Variants in SHQ1 observed in about 807,000 individuals in gnomAD.
SHQ1 encodes the protein protein SHQ1 homolog.
Under a neutral mutation model 53.8 loss-of-function variants are expected in SHQ1, and 49 were observed. The ratio of observed to expected loss-of-function variants is 0.91; its 90% CI spans 0.72 to 1.16. The LOEUF is 1.16. Among genes scored for constraint, SHQ1 ranks in the 50% most tolerant of loss-of-function variants. The probability of loss-of-function intolerance (pLI) is 0.00; values close to 1 mark genes in which losing one functional copy is unlikely to be tolerated. For synonymous variants in SHQ1, 243 were observed against 251.0 expected (o/e 0.97, Z 0.30); for missense variants, 738 against 683.1 (o/e 1.08, Z -0.90).
chr3:72,797,564 T>C (rs1368006586), intron 9 of SHQ1, among the ~76,000 whole-genome samples: 2 of 152,230 alleles, frequency 1.3e-5, no homozygotes, highest in East Asian at 3.8e-4. Context: ...ATTATATTTT[T>C]AAACAACTGA....
At chr3:72,821,619 C>G (rs1334487077) in intron 6 of SHQ1, among the ~76,000 whole-genome samples, 1 of 152,136 alleles carries the variant, frequency 6.6e-6, no homozygotes, top group African/African-American at 2.4e-5. Flanking sequence ...AAAGGTACAC[C>G]CCTCACCTGC....
chr3:72,840,966 C>A, intron 4 of SHQ1, 79 bp downstream of exon 4: 1 of 1,468,240 alleles, frequency 6.8e-7, no homozygotes, highest in South Asian at 1.4e-5. Flanking sequence ...TAAAAACTAC[C>A]AAGTGTAAGC....
intron 10 of SHQ1, among the ~76,000 whole-genome samples, chr3:72,758,930 T>A (rs932154584): frequency 6.6e-6 from 1 of 152,206 alleles, no homozygotes; most frequent in Non-Finnish European, 1.5e-5. Context: ...CAGGGCAGAA[T>A]CCCTTCCATG....
intron 4 of SHQ1, among the ~76,000 whole-genome samples, chr3:72,834,746 C>T (rs1363481427): frequency 6.6e-6 from 1 of 152,160 alleles, no homozygotes; most frequent in Non-Finnish European, 1.5e-5. Flanking sequence ...GAGTGCCATG[C>T]TGGTGCTCAA....
Position 72,755,595 on chromosome 3 carries a change from T to C in SHQ1, c.1182-4759A>G, listed in dbSNP as rs1299516840. Among the ~76,000 whole-genome samples the C allele has an allele frequency of 2.0e-5, 3 of 152,216 alleles. No individual in the cohort carries two copies. In the East Asian group the frequency reaches 5.8e-4, roughly 29 times the overall value. ...TTTTTATTCAATTACTTAGCACAGA[T>C]AACCTAGCAATCACTGTTCACAAAA... On this transcript the variant is annotated intron_variant, in intron 10 of 10. Coordinates refer to ENST00000325599, the MANE Select transcript of SHQ1 (RefSeq NM_018130.3).
At chr3:72,729,040 C>T in the SHQ1 span, among the ~76,000 whole-genome samples, 409 of 152,364 alleles carry the variant, frequency 2.7e-3, 1 homozygote, top group African/African-American at 9.5e-3. Context: ...CCCCTCCCTC[C>T]ACTCCAGGTT....
intron 10 of SHQ1, chr3:72,753,069 T>C (rs980750804): frequency 1.0e-6 from 1 of 985,274 alleles, no homozygotes; most frequent in African/African-American, 1.7e-5. Flanking sequence ...GTTTTTTGTT[T>C]CTAAAAGAAC....
In SHQ1 at chr3:72,804,635, C is replaced by G. The variant is rs150921309; in HGVS notation, c.1060+8036G>C. ...CCTTGCACGGAGAATAGATTTGATT[C>G]ATGTCTGCTGAATAAATAAATATCT... On this transcript the variant is annotated intron_variant, in intron 9 of 10. Coordinates refer to ENST00000325599, the MANE Select transcript of SHQ1 (RefSeq NM_018130.3). 3.3e-3 allele frequency among the ~76,000 whole-genome samples: 508 copies of G among 152,312 alleles called. 6 individuals carry two copies. Among genetic ancestry groups the G allele is most frequent in the African/African-American group, 0.012 (479 of 41,566 alleles).
chr3:72,822,870 C>T (rs1241434489), intron 6 of SHQ1, among the ~76,000 whole-genome samples: 1 of 152,132 alleles, frequency 6.6e-6, no homozygotes, highest in East Asian at 1.9e-4. Flanking sequence ...TCACTATAGG[C>T]CGGGCGCGGG....
chr3:72,789,081 T>TAAAAAA, intron 10 of SHQ1, among the ~76,000 whole-genome samples: 1 of 61,696 alleles, frequency 1.6e-5, no homozygotes, highest in Non-Finnish European at 3.5e-5. Context: ...CAATAAACAC[T>TAAAAAA]AAAAAAAAAA....
At chr3:72,811,489 T>G (rs957786863) in intron 9 of SHQ1, among the ~76,000 whole-genome samples, 1 of 152,162 alleles carries the variant, frequency 6.6e-6, no homozygotes, top group African/African-American at 2.4e-5. Flanking sequence ...CACTGTTAAG[T>G]TAAAGAAGAT....
the SHQ1 span, among the ~76,000 whole-genome samples, chr3:72,742,624 T>C: frequency 2.3e-4 from 34 of 147,966 alleles, no homozygotes; most frequent in African/African-American, 8.2e-4. Flanking sequence ...TTTTTCTTTT[T>C]TTTTTTTTTT....
chr3:72,774,827 G>A (rs1355106454), intron 10 of SHQ1, among the ~76,000 whole-genome samples: 1 of 152,142 alleles, frequency 6.6e-6, no homozygotes, highest in Non-Finnish European at 1.5e-5. Context: ...TCAAGAGCGT[G>A]AAATGGGCTG....
intron 1 of SHQ1, 121 bp downstream of exon 1, chr3:72,848,077 G>T: frequency 8.1e-7 from 1 of 1,229,864 alleles, no homozygotes; most frequent in Non-Finnish European, 1.2e-6. Flanking sequence ...AAGAGAAGCT[G>T]CGGAAACGTC....
At chr3:72,802,611 A>AT (rs1026541396) in intron 9 of SHQ1, among the ~76,000 whole-genome samples, 1 of 151,766 alleles carries the variant, frequency 6.6e-6, no homozygotes, top group Non-Finnish European at 1.5e-5. Flanking sequence ...CCTTTTTCTG[A>AT]TTTTTTTGCC....
At chr3:72,798,939 G>A (rs559034771) in intron 9 of SHQ1, among the ~76,000 whole-genome samples, 1 of 152,258 alleles carries the variant, frequency 6.6e-6, no homozygotes, top group South Asian at 2.1e-4. Context: ...TTGAAGTTTT[G>A]AGTTACCCAA....
intron 10 of SHQ1, among the ~76,000 whole-genome samples, chr3:72,758,944 T>G (rs940714293): frequency 6.6e-6 from 1 of 152,226 alleles, no homozygotes; most frequent in East Asian, 1.9e-4. Flanking sequence ...TTCCATGCCC[T>G]TCTCTTAGCT....
chr3:72,751,313 G>C lies in SHQ1; in HGVS notation c.1182-477C>G, dbSNP rs563330990. 1.4e-3 allele frequency among the ~76,000 whole-genome samples: 219 copies of C among 152,128 alleles called. 1 individual carries two copies. The highest frequency in any genetic ancestry group is 4.9e-3 in the African/African-American group (202 of 41,482). Reference sequence around the variant, plus strand: ...TGTAATCCCAGCCACTTGGGTGGAGGGGGGGCTGAGGCAGGAGAATCACTT... The same window carrying C: ...TGTAATCCCAGCCACTTGGGTGGAGCGGGGGCTGAGGCAGGAGAATCACTT... On this transcript the variant is annotated intron_variant, in intron 10 of 10. Transcript: ENST00000325599.
At position 72,829,083 on chromosome 3, in the gene SHQ1, T is replaced by C. The variant is rs116436522; in HGVS notation, c.599+3286A>G. On this transcript the variant is annotated intron_variant, in intron 5 of 10. Transcript: ENST00000325599. ...ATACTACAGAGAAAAATGGTACAAC[T>C]TCAGGATTGATTGAATGTGTGGGAT... 5.5e-3 allele frequency among the ~76,000 whole-genome samples: 840 copies of C among 151,574 alleles called. 10 individuals are homozygous for C. The highest frequency in any genetic ancestry group is 0.02 in the African/African-American group (810 of 41,326).
Sources: gnomAD v4.1 joint callset for allele counts (sites outside exome capture counted in the v4.1 genomes callset) on GRCh38, gnomAD v4.1.1 for gene constraint, MANE v1.5 for transcripts, NCBI Gene and HGNC (gene_info 2026-07-23, HGNC 2026-07-21) for gene names.